Variants in METTL8 observed in about 807,000 individuals in gnomAD.
METTL8 encodes the protein methyltransferase 8, tRNA N3-cytidine.
Under a neutral mutation model 48.7 loss-of-function variants are expected in METTL8, and 32 were observed. The observed-to-expected ratio is 0.66, with a 90% CI of 0.50 to 0.88. The LOEUF (loss-of-function observed/expected upper bound fraction) is 0.88, where lower values mean the gene tolerates loss of function less well. Ranked by LOEUF, METTL8 falls within the 40% of genes least tolerant of loss-of-function variation. METTL8 has a pLI of 0.00. For synonymous variants in METTL8, 136 were observed against 157.1 expected, an observed-to-expected ratio of 0.87 and a Z score of 1.01; for missense variants, 464 against 474.4, an observed-to-expected ratio of 0.98 and a Z score of 0.20.
chr2:171,349,838 T>A (rs889513516), intron 3 of METTL8, among the ~76,000 whole-genome samples: 1 of 152,182 alleles, frequency 6.6e-6, no homozygotes, highest in Non-Finnish European at 1.5e-5. Flanking sequence ...CATTGTCAGG[T>A]TTATAAAACA....
chr2:171,433,263 A>C (rs1693326166), intron 1 of METTL8: 1 of 152,196 alleles, frequency 6.6e-6, no homozygotes, highest in African/African-American at 2.4e-5. Flanking sequence ...GGCAAGATCC[A>C]CACAAACAGT....
chr2:171,355,793 C>T (rs57165050), intron 3 of METTL8, among the ~76,000 whole-genome samples: 10,874 of 152,068 alleles, frequency 0.072, 701 homozygotes, highest in African/African-American at 0.17. Flanking sequence ...TCTCCTGGTG[C>T]GCCGTTTGCT....
intron 3 of METTL8, among the ~76,000 whole-genome samples, chr2:171,358,919 A>G (rs941369872): frequency 1.1e-4 from 17 of 152,180 alleles, no homozygotes; most frequent in African/African-American, 4.1e-4. Flanking sequence ...CAAACTACCC[A>G]TTTGACAAGG....
At chr2:171,343,525 T>C (rs990678241) in intron 3 of METTL8, among the ~76,000 whole-genome samples, 1 of 151,980 alleles carries the variant, frequency 6.6e-6, no homozygotes, top group Non-Finnish European at 1.5e-5. Context: ...AGTATATACA[T>C]TGATGGCAGC....
intron 1 of METTL8, among the ~76,000 whole-genome samples, chr2:171,423,564 T>C (rs1041134611): frequency 6.6e-6 from 1 of 152,076 alleles, no homozygotes; most frequent in Non-Finnish European, 1.5e-5. Flanking sequence ...TCATCTCAGA[T>C]GGAGATGAAG....
In METTL8 at chr2:171,392,174, A is replaced by T. The variant is rs1038074230; in HGVS notation, c.12T>A (p.Ile4=). MNM[I]WRNSISCLRL... ...TTAGACAAGAAATGGAATTTCTCCA[A>T]ATCATATTCATCCTAAGCAGTACCT... The change falls in exon 2 of 10, where the codon ATT becomes ATA. Residue 4 remains isoleucine, a synonymous_variant. Coordinates refer to ENST00000375258, the MANE Select transcript of METTL8 (RefSeq NM_001321154.2). 1.3e-6 allele frequency: 2 copies of T among 1,551,328 alleles called. No individual in the cohort carries two copies. Among genetic ancestry groups the T allele is most frequent in the Non-Finnish European group, 1.7e-6 (2 of 1,146,840 alleles).
intron 7 of METTL8, among the ~76,000 whole-genome samples, chr2:171,328,452 T>C (rs1011133045): frequency 2.0e-5 from 3 of 152,186 alleles, no homozygotes; most frequent in Non-Finnish European, 2.9e-5. Context: ...CTAGAACTTT[T>C]CTGGGGTTGA....
At chr2:171,348,691 TTC>T (rs1683557678) in intron 3 of METTL8, among the ~76,000 whole-genome samples, 1 of 152,176 alleles carries the variant, frequency 6.6e-6, no homozygotes. Flanking sequence ...AATAGTAATA[TTC>T]TGTTTCTTGA....
chr2:171,425,797 C>T (rs111714951), intron 1 of METTL8, among the ~76,000 whole-genome samples: 1,802 of 152,266 alleles, frequency 0.012, 14 homozygotes, highest in Non-Finnish European at 0.015. Flanking sequence ...AGAAAACTAA[C>T]GCATTCTTTA....
intron 1 of METTL8, among the ~76,000 whole-genome samples, chr2:171,425,581 G>A (rs573393253): frequency 2.0e-5 from 3 of 152,312 alleles, no homozygotes; most frequent in South Asian, 4.2e-4. Flanking sequence ...TGCTAGGAAT[G>A]GAATTGTGTC....
chr2:171,366,899 A>C (rs1420215244), intron 2 of METTL8, among the ~76,000 whole-genome samples: 3 of 151,590 alleles, frequency 2.0e-5, no homozygotes, highest in Non-Finnish European at 4.4e-5. Context: ...AAAAAAAAAA[A>C]AAAAAAAAAC....
At position 171,403,290 on chromosome 2, in the gene METTL8, A is replaced by G. The variant is rs529844000; in HGVS notation, c.-12-11093T>C. The stretch of plus-strand genomic sequence containing the variant: ...GCTGATAGCATGTATTCTTGATATG[A>G]TGTGACAAAAACAGCACTTTACCTC... On this transcript the variant is annotated intron_variant, in intron 1 of 9. Coordinates refer to ENST00000375258, the MANE Select transcript of METTL8 (RefSeq NM_001321154.2). Among the ~76,000 whole-genome samples the G allele has an allele frequency of 1.5e-4, 23 of 152,150 alleles. 1 individual carries two copies. Among genetic ancestry groups the G allele is most frequent in the Non-Finnish European group, 3.2e-4 (22 of 68,020 alleles).
chr2:171,376,223 T>A (rs779177453), intron 2 of METTL8, among the ~76,000 whole-genome samples: 1 of 152,212 alleles, frequency 6.6e-6, no homozygotes, highest in African/African-American at 2.4e-5. Flanking sequence ...TTATTCATGC[T>A]ACCACTTGTG....
At chr2:171,348,748 T>C (rs911585401) in intron 3 of METTL8, among the ~76,000 whole-genome samples, 2 of 152,188 alleles carry the variant, frequency 1.3e-5, no homozygotes, top group African/African-American at 4.8e-5. Context: ...TGAAAATTCA[T>C]TGAACTATGC....
In METTL8 at chr2:171,373,686, G is replaced by A. The variant is rs190038892; in HGVS notation, c.144-13173C>T. Among the ~76,000 whole-genome samples, 214 of 152,274 alleles carry A rather than the reference G, an allele frequency of 1.4e-3. 4 individuals are homozygous for A. In the East Asian group the frequency reaches 0.015, roughly 11 times the overall value. On this transcript the variant is annotated intron_variant, in intron 2 of 9. Coordinates refer to ENST00000375258, the MANE Select transcript of METTL8 (RefSeq NM_001321154.2). ...GGTCTAAGGAAGGGATCCAGTTTCA[G>A]CTTTCTAATATGGCTAGCCAGTTTT... is the stretch of plus-strand genomic sequence containing the variant.
upstream of METTL8, chr2:171,434,365 C>T (rs377182072): frequency 1.1e-3 from 938 of 817,290 alleles, 14 homozygotes; most frequent in South Asian, 0.013. Context: ...AGTGCTTCTT[C>T]CCTTCTCTCC....
intron 1 of METTL8, among the ~76,000 whole-genome samples, chr2:171,406,879 A>G (rs1420968006): frequency 6.7e-6 from 1 of 149,758 alleles, no homozygotes. Context: ...TTTTTTTTTC[A>G]GTTATCGAGC....
intron 5 of METTL8, among the ~76,000 whole-genome samples, chr2:171,335,138 A>C (rs1030540916): frequency 6.6e-6 from 1 of 152,210 alleles, no homozygotes; most frequent in African/African-American, 2.4e-5. Flanking sequence ...AAGGAAAACA[A>C]AACTAACAAA....
In METTL8 at chr2:171,360,494, T is replaced by C. The variant is rs753362824; in HGVS notation, c.163A>G (p.Lys55Glu). 3 of 1,613,746 alleles carry C rather than the reference T, an allele frequency of 1.9e-6. No individual in the cohort carries two copies. Among genetic ancestry groups the C allele is most frequent in the African/African-American group, 2.7e-5 (2 of 75,028 alleles). ...HNMWDHMQWS[K>E]EEEAAARKKV... ...TTTCTGGCTGCTGCTTCTTCTTCCT[T>C]AGACCACTGCATGTGATCCCTATTA... is the stretch of plus-strand genomic sequence containing the variant. Residue 55 changes from lysine (K) to glutamate (E), a missense_variant, in exon 3 of 10, where the codon AAG becomes GAG. Physicochemically the swap from Lys to Glu is moderately conservative, Grantham distance 56. Coordinates refer to ENST00000375258, the MANE Select transcript of METTL8 (RefSeq NM_001321154.2).
Sources: allele counts gnomAD v4.1 joint callset (sites outside exome capture counted in the v4.1 genomes callset), GRCh38; gene constraint gnomAD v4.1.1; transcripts MANE v1.5; gene names NCBI Gene and HGNC (gene_info 2026-07-23, HGNC 2026-07-21).